Variants in PTPRD observed in about 807,000 individuals in gnomAD.
PTPRD encodes protein tyrosine phosphatase receptor type D.
A neutral mutation model predicts 214.5 loss-of-function variants in PTPRD; 34 were observed. That is an observed-to-expected ratio of 0.16 (90% CI 0.12 to 0.21). The LOEUF is 0.21. Among genes scored for constraint, PTPRD ranks in the 10% least tolerant of loss-of-function variants. The pLI is 1.00. For missense variants in PTPRD, 2,545 were observed against 2,398.7 expected, an observed-to-expected ratio of 1.06 and a Z score of -1.27; for synonymous variants, 1,128 against 845.7, an observed-to-expected ratio of 1.33 and a Z score of -5.79.
chr9:9,655,038 C>A (rs1478535303), intron 7 of PTPRD, among the ~76,000 whole-genome samples: 1 of 151,734 alleles, frequency 6.6e-6, no homozygotes, highest in East Asian at 1.9e-4. Context: ...TATAGTCTAC[C>A]TATCTGAAAT....
At chr9:8,580,014 C>T (rs1320412264) in intron 14 of PTPRD, among the ~76,000 whole-genome samples, 1 of 152,030 alleles carries the variant, frequency 6.6e-6, no homozygotes, top group Non-Finnish European at 1.5e-5. Context: ...TCAGGGTTTG[C>T]AGGGATTACA....
At chr9:9,782,962 G>T (rs2098868197) in intron 5 of PTPRD, among the ~76,000 whole-genome samples, 1 of 152,026 alleles carries the variant, frequency 6.6e-6, no homozygotes, top group African/African-American at 2.4e-5. Context: ...GGATAGATAA[G>T]CCCAAATTAT....
chr9:10,212,530 T>C (rs1339195484), intron 3 of PTPRD, among the ~76,000 whole-genome samples: 1 of 152,178 alleles, frequency 6.6e-6, no homozygotes, highest in Non-Finnish European at 1.5e-5. Flanking sequence ...TGTTTTACAC[T>C]GATCATAATA....
chr9:8,789,844 T>C (rs1462609178), intron 11 of PTPRD, among the ~76,000 whole-genome samples: 1 of 152,110 alleles, frequency 6.6e-6, no homozygotes, highest in Non-Finnish European at 1.5e-5. Flanking sequence ...ATTAACACTA[T>C]AAAACATTTA....
intron 10 of PTPRD, among the ~76,000 whole-genome samples, chr9:9,153,999 A>G (rs951024157): frequency 2.6e-5 from 4 of 152,164 alleles, no homozygotes; most frequent in African/African-American, 9.7e-5. Context: ...CATTGAAGAT[A>G]GCATCACGTA....
chr9:10,045,218 A>T (rs1240937319), intron 3 of PTPRD, among the ~76,000 whole-genome samples: 2 of 151,806 alleles, frequency 1.3e-5, no homozygotes, highest in African/African-American at 4.8e-5. Flanking sequence ...CTTTATTAAC[A>T]GGCAAATTTG....
chr9:8,918,319 A>G (rs1392333021), intron 11 of PTPRD, among the ~76,000 whole-genome samples: 1 of 152,212 alleles, frequency 6.6e-6, no homozygotes, highest in African/African-American at 2.4e-5. Flanking sequence ...CAGAACAAGC[A>G]AAGTAGAAAA....
intron 7 of PTPRD, among the ~76,000 whole-genome samples, chr9:9,700,953 G>A (rs1228656741): frequency 1.3e-5 from 2 of 151,838 alleles, no homozygotes; most frequent in Admixed American, 6.6e-5. Context: ...GTAGAAATGT[G>A]TGCAAAGAGT....
chr9:10,548,922 G>A (rs2060726461), intron 2 of PTPRD, among the ~76,000 whole-genome samples: 2 of 152,132 alleles, frequency 1.3e-5, no homozygotes, highest in Non-Finnish European at 2.9e-5. Context: ...GCAACCAACT[G>A]TGAACACATA....
chr9:8,706,954 G>A (rs1199682313), intron 12 of PTPRD, among the ~76,000 whole-genome samples: 1 of 152,174 alleles, frequency 6.6e-6, no homozygotes, highest in East Asian at 1.9e-4. Flanking sequence ...ATGAAGAACT[G>A]AAATGGCAGT....
intron 8 of PTPRD, among the ~76,000 whole-genome samples, chr9:9,479,658 T>A (rs1245862217): frequency 6.6e-6 from 1 of 152,124 alleles, no homozygotes; most frequent in Non-Finnish European, 1.5e-5. Flanking sequence ...ATTATTTGAT[T>A]GATAATAAAT....
intron 10 of PTPRD, among the ~76,000 whole-genome samples, chr9:9,096,696 G>C (rs1286199764): frequency 6.6e-6 from 1 of 152,074 alleles, no homozygotes; most frequent in Non-Finnish European, 1.5e-5. Context: ...AATCACAATA[G>C]TTTCAGTCTA....
chr9:9,136,398 T>G (rs1045179505), intron 10 of PTPRD, among the ~76,000 whole-genome samples: 3 of 152,122 alleles, frequency 2.0e-5, no homozygotes, highest in African/African-American at 7.2e-5. Context: ...AGCTGTAGAT[T>G]CTCATTAAAC....
intron 11 of PTPRD, among the ~76,000 whole-genome samples, chr9:8,887,679 T>C (rs893326573): frequency 1.3e-5 from 2 of 152,192 alleles, no homozygotes; most frequent in Non-Finnish European, 2.9e-5. Flanking sequence ...TACAAAGAGA[T>C]GAGATTTTTA....
intron 12 of PTPRD, among the ~76,000 whole-genome samples, chr9:8,673,266 C>T (rs2097326438): frequency 6.6e-6 from 1 of 151,986 alleles, no homozygotes; most frequent in African/African-American, 2.4e-5. Context: ...AGAAATTGCA[C>T]AAAACAAAAT....
intron 10 of PTPRD, among the ~76,000 whole-genome samples, chr9:9,019,236 A>C (rs1390530669): frequency 2.6e-5 from 4 of 151,598 alleles, no homozygotes; most frequent in African/African-American, 9.7e-5. Flanking sequence ...GACAGAATCT[A>C]CCAGACTATG....
intron 3 of PTPRD, among the ~76,000 whole-genome samples, chr9:10,252,243 A>G (rs956444914): frequency 4.0e-4 from 61 of 152,314 alleles, no homozygotes; most frequent in African/African-American, 1.4e-3. Context: ...TGGACATGAA[A>G]TGGTGTGTTC....
chr9:9,964,592 T>A (rs1330942513), intron 4 of PTPRD, among the ~76,000 whole-genome samples: 1 of 152,186 alleles, frequency 6.6e-6, no homozygotes, highest in Non-Finnish European at 1.5e-5. Context: ...CAAATCTACT[T>A]TTCCATTAGA....
chr9:8,856,544 T>TAC (rs1244749815), intron 11 of PTPRD, among the ~76,000 whole-genome samples: 1 of 152,058 alleles, frequency 6.6e-6, no homozygotes, highest in Non-Finnish European at 1.5e-5. Flanking sequence ...CATGTAAATA[T>TAC]ATATATATAA....
Sources: allele counts gnomAD v4.1 joint callset (sites outside exome capture counted in the v4.1 genomes callset), GRCh38; gene constraint gnomAD v4.1.1; transcripts MANE v1.5; gene names NCBI Gene and HGNC (gene_info 2026-07-23, HGNC 2026-07-21).